Variants in SOX5 observed in about 807,000 individuals in gnomAD.
The protein encoded by SOX5 is SRY-box transcription factor 5.
In SOX5, 9 loss-of-function variants were observed where a neutral mutation model predicts 92.0. The observed-to-expected ratio is 0.10, with a 90% confidence interval of 0.06 to 0.17. The LOEUF (loss-of-function observed/expected upper bound fraction) is 0.17. Among genes scored for constraint, SOX5 ranks in the 10% least tolerant of loss-of-function variants. SOX5 has a pLI of 1.00. For synonymous variants in SOX5, 344 were observed against 336.3 expected, an observed-to-expected ratio of 1.02 and a Z score of -0.25; for missense variants, 642 against 944.5, an observed-to-expected ratio of 0.68 and a Z score of 4.20.
chr12:23,784,204 T>TG (rs2095336565), intron 3 of SOX5, among the ~76,000 whole-genome samples: 1 of 152,212 alleles, frequency 6.6e-6, no homozygotes, highest in Admixed American at 6.5e-5. Flanking sequence ...TGAATAGCTC[T>TG]GGGCAAATCA....
chr12:24,533,703 T>C (rs942356352), intron 1 of SOX5, among the ~76,000 whole-genome samples: 3 of 152,214 alleles, frequency 2.0e-5, no homozygotes, highest in African/African-American at 7.2e-5. Context: ...TATTATACAT[T>C]TGTTTTTATG....
At chr12:24,040,161 A>G (rs1025735965) in intron 4 of SOX5, among the ~76,000 whole-genome samples, 1 of 152,198 alleles carries the variant, frequency 6.6e-6, no homozygotes, top group African/African-American at 2.4e-5. Context: ...GATTTAAAAA[A>G]CCAGCAAATA....
At chr12:23,695,437 C>T (rs1184872277) in intron 6 of SOX5, among the ~76,000 whole-genome samples, 4 of 152,104 alleles carry the variant, frequency 2.6e-5, no homozygotes, top group African/African-American at 4.8e-5. Flanking sequence ...GTTCTAAGTT[C>T]TGTGTAGAAA....
chr12:23,762,406 C>T (rs544002630), intron 3 of SOX5: 1 of 378,490 alleles, frequency 2.6e-6, no homozygotes, highest in South Asian at 1.2e-4. Context: ...AAGATTCCCC[C>T]CTCTAAAAAA....
chr12:23,565,100 A>G (rs1946845419), intron 10 of SOX5, among the ~76,000 whole-genome samples: 1 of 152,194 alleles, frequency 6.6e-6, no homozygotes, highest in Admixed American at 6.5e-5. Flanking sequence ...ATTCATTGGA[A>G]CTTATTCAAA....
intron 4 of SOX5, among the ~76,000 whole-genome samples, chr12:23,742,573 A>G (rs1395868032): frequency 1.3e-5 from 2 of 152,224 alleles, no homozygotes; most frequent in African/African-American, 2.4e-5. Context: ...CAAGATAAAC[A>G]TCTTCCTACA....
At chr12:23,871,730 T>C (rs1005479976) in intron 2 of SOX5, among the ~76,000 whole-genome samples, 2 of 152,218 alleles carry the variant, frequency 1.3e-5, no homozygotes, top group African/African-American at 4.8e-5. Context: ...ATTAATATTA[T>C]GTACCAATCA....
intron 4 of SOX5, among the ~76,000 whole-genome samples, chr12:24,090,067 T>C (rs550055585): frequency 2.0e-5 from 3 of 152,136 alleles, no homozygotes; most frequent in Non-Finnish European, 4.4e-5. Context: ...GACTAAATAT[T>C]TTAGATGTTT....
chr12:24,046,627 C>A (rs1397466683), intron 4 of SOX5, among the ~76,000 whole-genome samples: 1 of 150,380 alleles, frequency 6.6e-6, no homozygotes, highest in African/African-American at 2.4e-5. Context: ...AGACATGCTA[C>A]CTAGCCTCAG....
chr12:24,281,022 C>A (rs1420534859), intron 2 of SOX5, among the ~76,000 whole-genome samples: 54 of 120,232 alleles, frequency 4.5e-4, no homozygotes, highest in African/African-American at 1.5e-3. Context: ...AAAAAAAAAA[C>A]AAACCTAAAA....
chr12:23,763,230 T>G (rs2141368015), intron 3 of SOX5, among the ~76,000 whole-genome samples: 1 of 152,326 alleles, frequency 6.6e-6, no homozygotes, highest in South Asian at 2.1e-4. Flanking sequence ...CTTCATATGC[T>G]TGTTGTGAGA....
chr12:23,570,976 TATATATA>T (rs1330046888), intron 10 of SOX5, among the ~76,000 whole-genome samples: 5 of 116,894 alleles, frequency 4.3e-5, no homozygotes, highest in African/African-American at 6.7e-5. Context: ...TATATATATA[TATATATA>T]TTTTCATATT....
chr12:24,383,922 G>A (rs1958091863), intron 1 of SOX5, among the ~76,000 whole-genome samples: 1 of 152,164 alleles, frequency 6.6e-6, no homozygotes, highest in East Asian at 1.9e-4. Context: ...ACCTGTGGGA[G>A]GTAATTGAAT....
chr12:24,372,648 A>T (rs912980303), intron 1 of SOX5, among the ~76,000 whole-genome samples: 2 of 152,130 alleles, frequency 1.3e-5, no homozygotes, highest in Non-Finnish European at 2.9e-5. Flanking sequence ...TATACCCAGT[A>T]ATGGGATTGC....
intron 4 of SOX5, among the ~76,000 whole-genome samples, chr12:24,048,020 G>C (rs928573632): frequency 6.6e-6 from 1 of 152,108 alleles, no homozygotes; most frequent in African/African-American, 2.4e-5. Flanking sequence ...ATCATCCCAA[G>C]AATCTTCTCC....
intron 7 of SOX5, among the ~76,000 whole-genome samples, chr12:23,653,683 T>C (rs1462256790): frequency 6.6e-6 from 1 of 152,100 alleles, no homozygotes; most frequent in African/African-American, 2.4e-5. Context: ...TCTTTCTGTG[T>C]CCTCACACTG....
At position 23,957,766 on chromosome 12, in the gene SOX5, G is replaced by A. The variant is rs531634039; in HGVS notation, c.-1-61742C>T. On this transcript the variant is annotated intron_variant, in intron 4 of 4. Transcript: ENST00000446891. ...TGCACAGGATGAAAATATAATATACGCATTACCAAATGAATGTAATCATTC... is the reference window on the plus strand; with the variant it reads ...TGCACAGGATGAAAATATAATATACACATTACCAAATGAATGTAATCATTC... Among the ~76,000 whole-genome samples, 202 of 151,940 alleles carry A rather than the reference G, an allele frequency of 1.3e-3. 1 individual carries two copies. Among genetic ancestry groups the A allele is most frequent in the African/African-American group, 4.4e-3 (184 of 41,424 alleles).
At chr12:24,376,689 CCTTTTTTTTTTTTTTTTTT>C (rs1957301984) in intron 1 of SOX5, among the ~76,000 whole-genome samples, 1 of 93,084 alleles carries the variant, frequency 1.1e-5, no homozygotes. Context: ...GGGAGAGATA[CCTTTTTTTTTTTTTTTTTT>C]TTTTTTTTTT....
At chr12:24,182,016 T>C (rs10771067) in intron 4 of SOX5, among the ~76,000 whole-genome samples, 61,995 of 152,046 alleles carry the variant, frequency 0.41, 13,149 homozygotes, top group Non-Finnish European at 0.47. Flanking sequence ...TAAGCACTTC[T>C]ATGTAGAATT....
Sources: allele counts gnomAD v4.1 joint callset (sites outside exome capture counted in the v4.1 genomes callset), GRCh38; gene constraint gnomAD v4.1.1; transcripts MANE v1.5; gene names NCBI Gene and HGNC (gene_info 2026-07-23, HGNC 2026-07-21).